GALNT2: variants seen among roughly 807,000 people sequenced by gnomAD.
GALNT2 encodes the protein UDP-GalNAc:polypeptide N-acetylgalactosaminyltransferase 2.
In GALNT2, 31 loss-of-function variants were observed where a neutral mutation model predicts 81.4. That is an observed-to-expected ratio of 0.38 (90% CI 0.29 to 0.51). The LOEUF is 0.51. GALNT2 is among the 20% of genes least tolerant of loss of function. GALNT2 has a pLI of 0.87. For missense variants in GALNT2, 629 were observed against 765.7 expected (o/e 0.82, Z 2.11); for synonymous variants, 303 against 287.4 (o/e 1.05, Z -0.55).
intron 2 of GALNT2, among the ~76,000 whole-genome samples, chr1:230,187,400 A>C (rs1017503580): frequency 2.0e-5 from 3 of 152,146 alleles, no homozygotes; most frequent in African/African-American, 7.2e-5. Flanking sequence ...TCAGCCCCTC[A>C]TGGGAGGAGC....
At chr1:230,079,305 C>T (rs186693323) in intron 1 of GALNT2, among the ~76,000 whole-genome samples, 1 of 152,372 alleles carries the variant, frequency 6.6e-6, no homozygotes, top group Admixed American at 6.5e-5. Context: ...TCTGAGATGT[C>T]TGAAATGCTT....
intron 10 of GALNT2, among the ~76,000 whole-genome samples, chr1:230,253,090 C>T (rs930329252): frequency 3.9e-5 from 6 of 152,200 alleles, no homozygotes; most frequent in Admixed American, 1.3e-4. Context: ...TCAGGTGATC[C>T]GCCTGCCTCG....
At chr1:230,095,546 T>C (rs1310492858) in intron 1 of GALNT2, among the ~76,000 whole-genome samples, 1 of 149,742 alleles carries the variant, frequency 6.7e-6, no homozygotes, top group Non-Finnish European at 1.5e-5. Context: ...CAGATGAGGT[T>C]TGAAGAGTTC....
At chr1:230,240,937 T>C (rs1166071786) in intron 6 of GALNT2, among the ~76,000 whole-genome samples, 2 of 152,222 alleles carry the variant, frequency 1.3e-5, no homozygotes. Context: ...TCTATTTCTG[T>C]TGTTCCATCT....
intron 3 of GALNT2, among the ~76,000 whole-genome samples, chr1:230,221,344 G>A (rs775548209): frequency 1.1e-4 from 17 of 152,080 alleles, no homozygotes; most frequent in South Asian, 2.1e-4. Flanking sequence ...GAATATTTTC[G>A]AATAACCTCC....
At chr1:230,268,710 C>T (rs940452150) in intron 14 of GALNT2, among the ~76,000 whole-genome samples, 12 of 152,290 alleles carry the variant, frequency 7.9e-5, no homozygotes, top group East Asian at 3.9e-4. Context: ...GGCAGGTCTA[C>T]GGGAACCAAA....
chr1:230,164,125 C>A (rs1662524056), intron 1 of GALNT2, among the ~76,000 whole-genome samples: 1 of 152,214 alleles, frequency 6.6e-6, no homozygotes, highest in Admixed American at 6.5e-5. Context: ...TGCAATCGCA[C>A]ACGTGTAGCT....
chr1:230,110,976 G>A (rs902049837), intron 1 of GALNT2, among the ~76,000 whole-genome samples: 2 of 152,096 alleles, frequency 1.3e-5, no homozygotes, highest in African/African-American at 4.8e-5. Context: ...TAGAATTGTT[G>A]TTCATACCTG....
At chr1:230,258,478 G>A (rs1665785149) in intron 11 of GALNT2, among the ~76,000 whole-genome samples, 1 of 151,834 alleles carries the variant, frequency 6.6e-6, no homozygotes, top group African/African-American at 2.4e-5. Flanking sequence ...ACCCGCCTCA[G>A]CCTCCCAAAG....
intron 2 of GALNT2, among the ~76,000 whole-genome samples, chr1:230,192,397 C>T (rs945614259): frequency 1.3e-5 from 2 of 152,200 alleles, no homozygotes; most frequent in East Asian, 1.9e-4. Flanking sequence ...CAAGTAGTCA[C>T]TGGTTAACAG....
rs1661658201 is a variant in GALNT2, at chr1:230,139,367, G to A, written c.127-38851G>A. 5.9e-5 allele frequency among the ~76,000 whole-genome samples: 9 copies of A among 152,206 alleles called. 1 individual carries two copies. In the South Asian group the frequency reaches 1.9e-3, roughly 32 times the overall value. ...TTCTGATGAGAAGTTTATCCCTCTC[G>A]GTTCCCTGCCACAACTTCCAAGCTG... On this transcript the variant is annotated intron_variant, in intron 1 of 15. Coordinates refer to ENST00000366672, the MANE Select transcript of GALNT2 (RefSeq NM_004481.5).
At chr1:230,121,951 T>TTA (rs1384421795) in intron 1 of GALNT2, among the ~76,000 whole-genome samples, 1 of 134,194 alleles carries the variant, frequency 7.5e-6, no homozygotes, top group Non-Finnish European at 1.5e-5. Context: ...TGTTATGCTT[T>TTA]TTTTTTTTTT....
chr1:230,077,205 G>C (rs1478851587), intron 1 of GALNT2, among the ~76,000 whole-genome samples: 5 of 152,158 alleles, frequency 3.3e-5, no homozygotes, highest in Non-Finnish European at 2.9e-5. Flanking sequence ...TGCTGCCTCT[G>C]GGGCTTTCCC....
intron 1 of GALNT2, among the ~76,000 whole-genome samples, chr1:230,159,725 G>A (rs1572032787): frequency 6.6e-6 from 1 of 152,216 alleles, no homozygotes; most frequent in East Asian, 1.9e-4. Flanking sequence ...CAGGCCAAGT[G>A]CCTGTCGGTC....
At chr1:230,205,696 GTA>G (rs777881023) in intron 3 of GALNT2, among the ~76,000 whole-genome samples, 2 of 152,152 alleles carry the variant, frequency 1.3e-5, no homozygotes, top group African/African-American at 4.8e-5. Flanking sequence ...GATCGCAAGT[GTA>G]TATGTAGGTG....
intron 11 of GALNT2, among the ~76,000 whole-genome samples, chr1:230,255,705 G>A (rs1031674338): frequency 6.6e-6 from 1 of 152,120 alleles, no homozygotes; most frequent in African/African-American, 2.4e-5. Context: ...GAGGAGGGAC[G>A]GAGCTGTTCT....
intron 1 of GALNT2, among the ~76,000 whole-genome samples, chr1:230,116,156 C>T (rs991414578): frequency 3.3e-5 from 5 of 152,184 alleles, no homozygotes; most frequent in African/African-American, 1.2e-4. Context: ...GAATTCTTTC[C>T]AGAAGGATTT....
At chr1:230,122,017 G>T (rs1450928813) in intron 1 of GALNT2, among the ~76,000 whole-genome samples, 4 of 146,598 alleles carry the variant, frequency 2.7e-5, no homozygotes, top group African/African-American at 1.0e-4. Context: ...GAACTCTTGG[G>T]CTCAACCATT....
intron 1 of GALNT2, among the ~76,000 whole-genome samples, chr1:230,114,009 A>G (rs952923986): frequency 6.6e-6 from 1 of 152,192 alleles, no homozygotes; most frequent in East Asian, 1.9e-4. Flanking sequence ...TTGACGTGAT[A>G]GAATGAAAAC....
Sources: allele counts gnomAD v4.1 joint callset (sites outside exome capture counted in the v4.1 genomes callset), GRCh38; gene constraint gnomAD v4.1.1; transcripts MANE v1.5; gene names NCBI Gene and HGNC (gene_info 2026-07-23, HGNC 2026-07-21).